The following GLIS3 variants were observed in gnomAD, a reference collection of about 807,000 sequenced individuals.
The protein encoded by GLIS3 is GLIS family zinc finger 3, also known as zinc finger protein GLIS3.
GLIS3 carries 53 observed loss-of-function variants against 78.6 expected under a neutral mutation model. The observed-to-expected ratio is 0.67, with a 90% CI of 0.54 to 0.85. GLIS3 has a LOEUF of 0.85. Among genes scored for constraint, GLIS3 ranks in the 40% least tolerant of loss-of-function variants. The probability of loss-of-function intolerance (pLI) is 0.00; values close to 1 mark genes in which losing one functional copy is unlikely to be tolerated. For missense variants in GLIS3, 1,703 were observed against 1,231.1 expected, an observed-to-expected ratio of 1.38 and a Z score of -5.74; for synonymous variants, 684 against 509.9, an observed-to-expected ratio of 1.34 and a Z score of -4.60.
the GLIS3 span, among the ~76,000 whole-genome samples, chr9:4,405,765 A>G: frequency 1.4e-5 from 2 of 142,746 alleles, no homozygotes. Context: ...AAGACACATT[A>G]AAAAAAAAAA....
At chr9:3,911,534 T>A (rs957970262) in intron 6 of GLIS3, among the ~76,000 whole-genome samples, 1 of 152,218 alleles carries the variant, frequency 6.6e-6, no homozygotes, top group Non-Finnish European at 1.5e-5. Flanking sequence ...CTAAAAAAAT[T>A]GTCTCTACCC....
intron 2 of GLIS3, among the ~76,000 whole-genome samples, chr9:4,320,766 T>A (rs73386236): frequency 6.6e-6 from 1 of 152,032 alleles, no homozygotes; most frequent in Non-Finnish European, 1.5e-5. Flanking sequence ...TGCTATTGGT[T>A]TCAGCACCAT....
intron 1 of GLIS3, among the ~76,000 whole-genome samples, chr9:4,291,950 A>G (rs1161531129): frequency 2.0e-5 from 3 of 152,152 alleles, no homozygotes; most frequent in African/African-American, 7.2e-5. Flanking sequence ...ATGAGTACAG[A>G]AAGGTCTAGA....
the GLIS3 span, among the ~76,000 whole-genome samples, chr9:4,359,739 G>A: frequency 1.3e-5 from 2 of 152,110 alleles, no homozygotes; most frequent in African/African-American, 2.4e-5. Flanking sequence ...GATTTCTGCT[G>A]AAGTTAACAT....
At chr9:4,341,805 T>C (rs1395472126) in intron 2 of GLIS3, among the ~76,000 whole-genome samples, 1 of 152,198 alleles carries the variant, frequency 6.6e-6, no homozygotes, top group East Asian at 1.9e-4. Context: ...GGATCTCCGC[T>C]TTTTTTTCTG....
At chr9:4,455,615 T>G in the GLIS3 span, among the ~76,000 whole-genome samples, 3 of 152,304 alleles carry the variant, frequency 2.0e-5, no homozygotes, top group East Asian at 5.8e-4. Flanking sequence ...CAGTCGCTTA[T>G]GCAATTAATT....
chr9:4,091,144 C>A (rs1049614475), intron 4 of GLIS3, among the ~76,000 whole-genome samples: 4 of 152,036 alleles, frequency 2.6e-5, no homozygotes, highest in Admixed American at 2.6e-4. Context: ...GGCTTGAGTC[C>A]AGGAGGTGGA....
chr9:4,341,761 C>G (rs181491734), intron 2 of GLIS3, among the ~76,000 whole-genome samples: 46 of 152,350 alleles, frequency 3.0e-4, no homozygotes, highest in African/African-American at 1.1e-3. Context: ...GAAAATTCCT[C>G]CACTTCAGCA....
intron 6 of GLIS3, among the ~76,000 whole-genome samples, chr9:3,929,587 A>C (rs1825489468): frequency 6.6e-6 from 1 of 152,134 alleles, no homozygotes; most frequent in Admixed American, 6.5e-5. Context: ...AAATAATGTC[A>C]TTTAATGTCT....
intron 2 of GLIS3, among the ~76,000 whole-genome samples, chr9:4,314,473 T>C (rs2080173708): frequency 6.6e-6 from 1 of 152,238 alleles, no homozygotes; most frequent in Non-Finnish European, 1.5e-5. Flanking sequence ...AATAGGTAAA[T>C]ACTGCTTTTT....
At chr9:4,313,598 G>C (rs1817396535) in intron 2 of GLIS3, among the ~76,000 whole-genome samples, 1 of 152,204 alleles carries the variant, frequency 6.6e-6, no homozygotes, top group Non-Finnish European at 1.5e-5. Flanking sequence ...CTTGGACCTT[G>C]ATTTTTCTCT....
At chr9:4,146,091 T>A in intron 2 of GLIS3, among the ~76,000 whole-genome samples, 1 of 152,210 alleles carries the variant, frequency 6.6e-6, no homozygotes, top group East Asian at 1.9e-4. Flanking sequence ...AAGATACTTT[T>A]TAATTATTGA....
At chr9:4,293,746 T>C (rs368237209) in intron 1 of GLIS3, among the ~76,000 whole-genome samples, 11 of 152,350 alleles carry the variant, frequency 7.2e-5, no homozygotes, top group African/African-American at 2.6e-4. Context: ...AAGTCTGATC[T>C]CTTTATCATG....
At chr9:4,251,046 T>C (rs981448755) in intron 2 of GLIS3, among the ~76,000 whole-genome samples, 1 of 152,206 alleles carries the variant, frequency 6.6e-6, no homozygotes, top group Non-Finnish European at 1.5e-5. Context: ...AATTTTAGAA[T>C]AAATGTGATG....
chr9:4,051,445 C>G (rs900002028), intron 4 of GLIS3, among the ~76,000 whole-genome samples: 2 of 152,004 alleles, frequency 1.3e-5, no homozygotes, highest in African/African-American at 4.8e-5. Context: ...GTATCTAAGC[C>G]TAAATGTATC....
intron 4 of GLIS3, among the ~76,000 whole-genome samples, chr9:3,987,782 A>AC (rs1563922659): frequency 4.1e-5 from 6 of 146,442 alleles, no homozygotes; most frequent in African/African-American, 1.5e-4. Context: ...AAAAAAAAAA[A>AC]AAAAAACAAA....
chr9:4,479,257 G>A, the GLIS3 span, among the ~76,000 whole-genome samples: 1 of 152,128 alleles, frequency 6.6e-6, no homozygotes. Flanking sequence ...ATAAATAAGA[G>A]AGATTGTAGA....
the GLIS3 span, among the ~76,000 whole-genome samples, chr9:4,421,030 G>C: frequency 6.6e-6 from 1 of 152,192 alleles, no homozygotes. Flanking sequence ...CTGCACTGCT[G>C]ACATATTAAG....
the GLIS3 span, among the ~76,000 whole-genome samples, chr9:4,468,294 G>A: frequency 1.3e-3 from 198 of 152,248 alleles, 1 homozygote; most frequent in African/African-American, 4.5e-3. Context: ...ATGCCACAAA[G>A]ATACTCCTTG....
Sources: gnomAD v4.1 joint callset for allele counts (sites outside exome capture counted in the v4.1 genomes callset) on GRCh38, gnomAD v4.1.1 for gene constraint, MANE v1.5 for transcripts, NCBI Gene and HGNC (gene_info 2026-07-23, HGNC 2026-07-21) for gene names.